The following WDR43 variants were observed in gnomAD, a reference collection of about 807,000 sequenced individuals.
WDR43 encodes the protein WD repeat domain 43.
In WDR43, 13 loss-of-function variants were observed where a neutral mutation model predicts 91.4. The observed-to-expected ratio is 0.14, with a 90% CI of 0.09 to 0.23. The LOEUF is 0.23. Ranked by LOEUF, WDR43 falls within the 10% of genes least tolerant of loss-of-function variation. WDR43 has a pLI of 1.00. For synonymous variants in WDR43, 331 were observed against 287.9 expected, an observed-to-expected ratio of 1.15 and a Z score of -1.51; for missense variants, 780 against 809.4, an observed-to-expected ratio of 0.96 and a Z score of 0.44.
chr2:28,927,543 A>T, intron 9 of WDR43, 26 bp from the exon 10 acceptor site: 3 of 1,609,106 alleles, frequency 1.9e-6, no homozygotes, highest in Non-Finnish European at 2.5e-6. Context: ...TTCCTTTTTC[A>T]CACTTTGGCT....
At chr2:28,925,449 C>G (rs10164596) in intron 8 of WDR43, among the ~76,000 whole-genome samples, 102,597 of 152,042 alleles carry the variant, frequency 0.67, 35,222 homozygotes, top group East Asian at 0.85. Flanking sequence ...TTTGGACTAG[C>G]CACATTTCAA....
At chr2:28,933,552 A>C (rs1671286599) in intron 11 of WDR43, among the ~76,000 whole-genome samples, 1 of 152,222 alleles carries the variant, frequency 6.6e-6, no homozygotes, top group Non-Finnish European at 1.5e-5. Context: ...AAAATTAGAA[A>C]CTTCTGTTCT....
chr2:28,902,703 C>G (rs980287938), intron 2 of WDR43, among the ~76,000 whole-genome samples: 2 of 152,228 alleles, frequency 1.3e-5, no homozygotes, highest in East Asian at 1.9e-4. Flanking sequence ...CAGGAAGGAA[C>G]AAGTCCCTTC....
At chr2:28,943,654 C>G (rs1230492450) in intron 16 of WDR43, among the ~76,000 whole-genome samples, 3 of 152,096 alleles carry the variant, frequency 2.0e-5, no homozygotes, top group Admixed American at 2.0e-4. Context: ...ACCCGTAGTT[C>G]TGTGGACTCT....
rs184370001 is a variant in WDR43 at position 28,942,129 on chromosome 2, A to G, written c.1735-183A>G. Among the ~76,000 whole-genome samples, 10 of 152,312 alleles carry G rather than the reference A, an allele frequency of 6.6e-5. No homozygotes were observed. The South Asian group carries it at 8.3e-4, about 13-fold the overall frequency. ...TCACCTCAGAGTTTTTCAGCTTTACAGAGTAATTCTTTCCCTCTTGTATTT... is the reference window on the plus strand; with the variant it reads ...TCACCTCAGAGTTTTTCAGCTTTACGGAGTAATTCTTTCCCTCTTGTATTT... On this transcript the variant is annotated intron_variant, in intron 15 of 17. Coordinates refer to ENST00000407426, the MANE Select transcript of WDR43 (RefSeq NM_015131.3).
chr2:28,942,617 TTC>T (rs1671461252), intron 16 of WDR43, among the ~76,000 whole-genome samples: 1 of 68,626 alleles, frequency 1.5e-5, no homozygotes, highest in Admixed American at 2.1e-4. Context: ...TTTTTTTCTT[TTC>T]TTTTTTTTTT....
intron 1 of WDR43, among the ~76,000 whole-genome samples, chr2:28,896,248 C>T (rs1306444854): frequency 6.6e-6 from 1 of 152,104 alleles, no homozygotes; most frequent in East Asian, 1.9e-4. Flanking sequence ...GGTGCGTGGA[C>T]CCAAGCTGGC....
At chr2:28,938,239 C>A (rs1243884111) in intron 14 of WDR43, among the ~76,000 whole-genome samples, 1 of 152,080 alleles carries the variant, frequency 6.6e-6, no homozygotes, top group Admixed American at 6.5e-5. Context: ...ATATAGAGAT[C>A]TTTACAAATA....
chr2:28,917,058 G>C (rs1212191266), intron 5 of WDR43, among the ~76,000 whole-genome samples: 4 of 152,120 alleles, frequency 2.6e-5, no homozygotes, highest in Admixed American at 1.3e-4. Flanking sequence ...AATTATGCTT[G>C]GGGGCCGTTG....
At chr2:28,927,762 A>G in intron 10 of WDR43, 62 bp downstream of exon 10, 1 of 1,605,760 alleles carries the variant, frequency 6.2e-7, no homozygotes, top group Non-Finnish European at 8.5e-7. Flanking sequence ...GGAAATTCTA[A>G]CAAGTGTGTT....
At chr2:28,930,497 TATTTG>T (rs1444396841) in intron 11 of WDR43, among the ~76,000 whole-genome samples, 1 of 152,252 alleles carries the variant, frequency 6.6e-6, no homozygotes, top group East Asian at 1.9e-4. Flanking sequence ...TGTCTCATTT[TATTTG>T]ATCCATTTTT....
At position 28,926,846 on chromosome 2, in the gene WDR43, G is replaced by C. The variant is rs545144351; in HGVS notation, c.1173+292G>C. 2.0e-5 allele frequency among the ~76,000 whole-genome samples: 3 copies of C among 152,246 alleles called. No individual in the cohort carries two copies. In the East Asian group the frequency reaches 5.8e-4, roughly 29 times the overall value. Reference sequence around the variant, plus strand: ...AATGTAGGGATAAATATCAATATCAGATTTATCAGTAGATAGTTTTTATCA... The same window carrying C: ...AATGTAGGGATAAATATCAATATCACATTTATCAGTAGATAGTTTTTATCA... On this transcript the variant is annotated intron_variant, in intron 9 of 17. Transcript: ENST00000407426.
chr2:28,921,700 C>T (rs968916176), intron 6 of WDR43, among the ~76,000 whole-genome samples: 2 of 152,024 alleles, frequency 1.3e-5, no homozygotes, highest in Non-Finnish European at 2.9e-5. Flanking sequence ...GAAATGATCT[C>T]TTCCCCTAAA....
chr2:28,924,015 A>G (rs1671083486), intron 7 of WDR43, among the ~76,000 whole-genome samples: 1 of 152,150 alleles, frequency 6.6e-6, no homozygotes, highest in Non-Finnish European at 1.5e-5. Flanking sequence ...TGGAGTCAGG[A>G]TGATAGGAGG....
chr2:28,930,988 G>T (rs1671228241), intron 11 of WDR43, among the ~76,000 whole-genome samples: 1 of 151,204 alleles, frequency 6.6e-6, no homozygotes, highest in Non-Finnish European at 1.5e-5. Context: ...ATCCATTGTT[G>T]CACCTCAAAA....
At chr2:28,919,473 G>A (rs1171244947) in intron 6 of WDR43, among the ~76,000 whole-genome samples, 1 of 151,942 alleles carries the variant, frequency 6.6e-6, no homozygotes, top group East Asian at 1.9e-4. Flanking sequence ...TCGAGACCAC[G>A]GTGAAACCCT....
intron 10 of WDR43, among the ~76,000 whole-genome samples, 157 bp from the exon 11 acceptor site, chr2:28,929,422 A>G (rs969214305): frequency 1.2e-4 from 18 of 152,152 alleles, no homozygotes; most frequent in Admixed American, 9.2e-4. Flanking sequence ...CATTGGCATT[A>G]TGGTAATGAG....
intron 7 of WDR43, among the ~76,000 whole-genome samples, chr2:28,923,837 G>C (rs1671080839): frequency 6.6e-6 from 1 of 152,094 alleles, no homozygotes; most frequent in African/African-American, 2.4e-5. Flanking sequence ...CCCAAAGGTA[G>C]CTGGCCACAG....
intron 3 of WDR43, among the ~76,000 whole-genome samples, chr2:28,908,963 T>C (rs578234284): frequency 1.3e-5 from 2 of 152,154 alleles, no homozygotes; most frequent in African/African-American, 4.8e-5. Flanking sequence ...TTGCTTTTCT[T>C]GGGGTTTATA....
Sources: allele counts gnomAD v4.1 joint callset (sites outside exome capture counted in the v4.1 genomes callset), GRCh38; gene constraint gnomAD v4.1.1; transcripts MANE v1.5; gene names NCBI Gene and HGNC (gene_info 2026-07-23, HGNC 2026-07-21).